Variants in FSIP2 observed in about 807,000 individuals in gnomAD.
FSIP2 encodes the protein fibrous sheath-interacting protein 2.
FSIP2 carries 367 observed loss-of-function variants against 510.5 expected under a neutral mutation model. The ratio of observed to expected loss-of-function variants is 0.72; its 90% CI spans 0.66 to 0.78. The LOEUF is 0.78. Ranked by LOEUF, FSIP2 falls within the 30% of genes least tolerant of loss-of-function variation. The probability of loss-of-function intolerance (pLI) is 0.00; values close to 1 mark genes in which losing one functional copy is unlikely to be tolerated. For synonymous variants in FSIP2, 2,601 were observed against 2,732.2 expected (o/e 0.95, Z 1.50); for missense variants, 7,594 against 7,901.7 (o/e 0.96, Z 1.48).
rs1208362376 is a variant in FSIP2 at position 185,789,618 on chromosome 2, T to G, written c.2482T>G (p.Leu828Val). 6.5e-7 allele frequency: 1 copy of G among 1,534,762 alleles called. No individual in the cohort carries two copies. Among genetic ancestry groups the G allele is most frequent in the East Asian group, 2.4e-5 (1 of 40,848 alleles). ...DIAEDMVHAI[L>V]EKLMTLVSFK... ...TGCAGAGGACATGGTGCATGCCATT[T>G]TAGAAAAGCTAATGACTCTTGTTTC... Residue 828 changes from leucine (L) to valine (V), a missense_variant, in exon 16 of 23, where the codon TTA becomes GTA. Transcript: ENST00000424728.
At chr2:185,776,365 T>G (rs2105584996) in intron 13 of FSIP2, among the ~76,000 whole-genome samples, 1 of 152,284 alleles carries the variant, frequency 6.6e-6, no homozygotes, top group Non-Finnish European at 1.5e-5. Context: ...CACTGTACAT[T>G]TTGATGTCAG....
chr2:185,767,845 T>G (rs1250722732), intron 13 of FSIP2, among the ~76,000 whole-genome samples: 3 of 152,172 alleles, frequency 2.0e-5, no homozygotes, highest in African/African-American at 4.8e-5. Context: ...TTCAACATAC[T>G]GAAAACATAA....
At chr2:185,820,948 C>G (rs1437502726) in intron 19 of FSIP2, among the ~76,000 whole-genome samples, 3 of 133,506 alleles carry the variant, frequency 2.2e-5, no homozygotes, top group African/African-American at 8.4e-5. Context: ...AAGATTAGAC[C>G]AGGAATAAAA....
intron 13 of FSIP2, among the ~76,000 whole-genome samples, chr2:185,779,484 C>A (rs1023785454): frequency 2.1e-4 from 32 of 152,040 alleles, no homozygotes; most frequent in African/African-American, 7.2e-4. Context: ...ATCTATCAAT[C>A]ACTCAAACAT....
At position 185,794,124 on chromosome 2, in the gene FSIP2, T is replaced by A; in HGVS notation, c.6988T>A (p.Phe2330Ile). 2 of 1,532,216 alleles carry A rather than the reference T, an allele frequency of 1.3e-6. No homozygotes were observed. The highest frequency in any genetic ancestry group is 1.7e-6 in the Non-Finnish European group (2 of 1,144,442). 94.9% of individuals were successfully genotyped at this position (1,532,216 alleles called of 1,614,324 possible). Reference protein sequence around the residue: ...ILSQELTDFTFVGRREKLGST... With the variant: ...ILSQELTDFTIVGRREKLGST... ...CAGCCAAGAGCTTACAGATTTCACT[T>A]TTGTTGGTCGCAGAGAAAAACTTGG... Residue 2330 changes from phenylalanine to isoleucine, a missense_variant, in exon 16 of 23, where the codon TTT (phenylalanine) becomes ATT (isoleucine). By Grantham distance (21) the Phe-to-Ile change is conservative. Transcript: ENST00000424728.
intron 13 of FSIP2, among the ~76,000 whole-genome samples, chr2:185,780,889 C>T (rs1008267104): frequency 6.6e-6 from 1 of 152,090 alleles, no homozygotes. Flanking sequence ...AAATTAAATT[C>T]TCATATGTAG....
intron 2 of FSIP2, among the ~76,000 whole-genome samples, chr2:185,742,903 G>C (rs776851897): frequency 3.3e-5 from 5 of 152,108 alleles, no homozygotes; most frequent in African/African-American, 7.2e-5. Flanking sequence ...AAGAGGATTA[G>C]AGGAGGAACT....
intron 9 of FSIP2, among the ~76,000 whole-genome samples, chr2:185,758,030 T>C (rs1262179798): frequency 6.6e-6 from 1 of 151,248 alleles, no homozygotes; most frequent in East Asian, 1.9e-4. Flanking sequence ...AATAGTAATA[T>C]GTTCTCATAA....
In FSIP2 at chr2:185,805,148, T is replaced by C; in HGVS notation, c.15842T>C (p.Ile5281Thr). 2 of 1,609,876 alleles carry C rather than the reference T, an allele frequency of 1.2e-6. No individual in the cohort carries two copies. The highest frequency in any genetic ancestry group is 1.7e-6 in the Non-Finnish European group (2 of 1,177,702). ...LYSATFLEDI[I>T]IDLVHKFCSL... ...TCAGCTACATTTTTGGAAGACATAA[T>C]CATTGACCTTGTTCACAAATTTTGT... The change falls in exon 17 of 23, where the codon ATC (isoleucine) becomes ACC (threonine). Residue 5281 changes from isoleucine (I) to threonine (T), a missense_variant. Ile to Thr is a moderately conservative substitution (Grantham distance 89, BLOSUM62 -1). Coordinates refer to ENST00000424728, the MANE Select transcript of FSIP2 (RefSeq NM_173651.4).
intron 13 of FSIP2, among the ~76,000 whole-genome samples, chr2:185,767,596 T>C (rs1206342772): frequency 2.0e-5 from 3 of 152,158 alleles, no homozygotes; most frequent in African/African-American, 7.2e-5. Flanking sequence ...AGTTCTTTGA[T>C]GTTGTCACAA....
Position 185,796,846 on chromosome 2 carries a change from C to T in FSIP2, c.9710C>T (p.Thr3237Ile). Residue 3237 changes from threonine (T) to isoleucine (I), a missense_variant, in exon 16 of 23, where the codon ACT becomes ATT. By Grantham distance (89) the Thr-to-Ile change is moderately conservative (BLOSUM62 -1). Coordinates refer to ENST00000424728, the MANE Select transcript of FSIP2 (RefSeq NM_173651.4). ...TCAGAAACTATGCCATCGTGTTCTA[C>T]TAGAAACAAAGTACAAGACCACAGA... ...PDSETMPSCS[T>I]RNKVQDHRPR... is the part of the protein sequence containing the mutation. The T allele has an allele frequency of 3.9e-6, 6 of 1,535,086 alleles. No homozygotes were observed. The highest frequency in any genetic ancestry group is 5.2e-6 in the Non-Finnish European group (6 of 1,146,290).
chr2:185,800,872 T>A lies in FSIP2; in HGVS notation c.11566T>A (p.Ser3856Thr), dbSNP rs975563370. The change falls in exon 17 of 23, where the codon TCT (serine) becomes ACT (threonine). Residue 3856 changes from serine to threonine, a missense_variant. Transcript: ENST00000424728. ...GGTTAAATCATTGATGGACAAATTA[T>A]CTCACAGCATACAACAAGCTCCGGA... Reference protein sequence around the residue: ...SLVKSLMDKLSHSIQQAPESL... With the variant: ...SLVKSLMDKLTHSIQQAPESL... 6.5e-7 allele frequency: 1 copy of A among 1,534,258 alleles called. No individual in the cohort carries two copies.
chr2:185,821,317 C>G (rs928128702), intron 19 of FSIP2, among the ~76,000 whole-genome samples: 1 of 151,736 alleles, frequency 6.6e-6, no homozygotes, highest in African/African-American at 2.4e-5. Context: ...AACCTCCTAA[C>G]AAATAAAAGC....
intron 13 of FSIP2, among the ~76,000 whole-genome samples, chr2:185,779,300 G>GC (rs1692793595): frequency 1.3e-5 from 2 of 148,354 alleles, no homozygotes; most frequent in Admixed American, 6.7e-5. Flanking sequence ...TTTTTATCTA[G>GC]TTTTTTTTTT....
At chr2:185,762,143 TA>T in intron 11 of FSIP2, 126 bp downstream of exon 11, 1 of 509,744 alleles carries the variant, frequency 2.0e-6, no homozygotes, top group Non-Finnish European at 3.4e-6. Flanking sequence ...AAGGCTGATA[TA>T]AATTTTTTAT....
chr2:185,794,548 G>T lies in FSIP2; in HGVS notation c.7412G>T (p.Arg2471Ile). The change falls in exon 16 of 23, where the codon AGA becomes ATA. Residue 2471 changes from arginine to isoleucine, a missense_variant. Coordinates refer to ENST00000424728, the MANE Select transcript of FSIP2 (RefSeq NM_173651.4). ...QIIVLEEIFMRNGESKNKEKG... is the reference protein window; with the variant it reads ...QIIVLEEIFMINGESKNKEKG... Reference sequence around the variant, plus strand: ...ATTGTTTTGGAAGAAATATTTATGAGAAATGGAGAATCAAAAAACAAAGAA... The same window carrying T: ...ATTGTTTTGGAAGAAATATTTATGATAAATGGAGAATCAAAAAACAAAGAA... 4 of 1,531,142 alleles carry T rather than the reference G, an allele frequency of 2.6e-6. No homozygotes were observed. Among genetic ancestry groups the T allele is most frequent in the Non-Finnish European group, 3.5e-6 (4 of 1,144,830 alleles). The allele number at this position is 1,531,142 out of a possible 1,614,324, so 94.8% of individuals were successfully genotyped here. A position where few individuals can be genotyped will look rare whatever the true frequency, so the allele number is the denominator to read the frequency against.
rs1292101163 is a variant in FSIP2, at chr2:185,804,742, C to T, written c.15436C>T (p.Pro5146Ser). 6 of 1,530,570 alleles carry T rather than the reference C, an allele frequency of 3.9e-6. No homozygotes were observed. Among genetic ancestry groups the T allele is most frequent in the Non-Finnish European group, 5.2e-6 (6 of 1,144,410 alleles). The allele number at this position is 1,530,570 out of a possible 1,614,324, so 94.8% of individuals were successfully genotyped here. ...ENELKEKKFPPDDEFVEAASK... is the reference protein window; with the variant it reads ...ENELKEKKFPSDDEFVEAASK... Reference sequence around the variant, plus strand: ...TGAACTAAAAGAGAAAAAGTTTCCACCGGATGATGAATTTGTGGAGGCAGC... The same window carrying T: ...TGAACTAAAAGAGAAAAAGTTTCCATCGGATGATGAATTTGTGGAGGCAGC... Residue 5146 changes from proline to serine, a missense_variant, in exon 17 of 23, where the codon CCG (proline) becomes TCG (serine). Physicochemically the swap from Pro to Ser is moderately conservative, Grantham distance 74 (BLOSUM62 -1). Transcript: ENST00000424728.
chr2:185,792,793 A>C lies in FSIP2; in HGVS notation c.5657A>C (p.Lys1886Thr). The change falls in exon 16 of 23, where the codon AAA becomes ACA. Residue 1886 changes from lysine (K) to threonine (T), a missense_variant. Transcript: ENST00000424728. ...GTTTCTTCTCATGAACACACCTATA[A>C]AGGAAAGTCCTCTGTCACGGCTTTG... ...ANVSSHEHTY[K>T]GKSSVTALDE... 1.3e-6 allele frequency: 2 copies of C among 1,534,286 alleles called. No homozygotes were observed. Among genetic ancestry groups the C allele is most frequent in the Non-Finnish European group, 1.7e-6 (2 of 1,145,610 alleles).
At position 185,760,975 on chromosome 2, in the gene FSIP2, C is replaced by T. The variant is rs190698911; in HGVS notation, c.1079-13C>T. ...AAAAAAAACTATAGAGTTTCTCTCTCGTTTTCTTTTAGGACATACAGCAAA... is the reference window on the plus strand; with the variant it reads ...AAAAAAAACTATAGAGTTTCTCTCTTGTTTTCTTTTAGGACATACAGCAAA... On this transcript the variant is annotated splice_polypyrimidine_tract_variant and intron_variant, in intron 9 of 22. Coordinates refer to ENST00000424728, the MANE Select transcript of FSIP2 (RefSeq NM_173651.4). 38 of 1,115,908 alleles carry T rather than the reference C, an allele frequency of 3.4e-5. 1 individual carries two copies. In the Admixed American group the frequency reaches 6.7e-4, roughly 20 times the overall value. 69.1% of individuals were successfully genotyped at this position (1,115,908 alleles called of 1,614,324 possible).
Sources: gnomAD v4.1 joint callset for allele counts (sites outside exome capture counted in the v4.1 genomes callset) on GRCh38, gnomAD v4.1.1 for gene constraint, MANE v1.5 for transcripts, NCBI Gene and HGNC (gene_info 2026-07-23, HGNC 2026-07-21) for gene names.